GRIK2: variants seen among roughly 807,000 people sequenced by gnomAD.
The protein encoded by GRIK2 is glutamate ionotropic receptor kainate type subunit 2.
A neutral mutation model predicts 100.3 loss-of-function variants in GRIK2; 32 were observed. The ratio of observed to expected loss-of-function variants is 0.32; its 90% confidence interval spans 0.24 to 0.43. The LOEUF (loss-of-function observed/expected upper bound fraction) is 0.43. Ranked by LOEUF, GRIK2 falls within the 20% of genes least tolerant of loss-of-function variation. GRIK2 has a pLI of 1.00. For synonymous variants in GRIK2, 417 were observed against 389.4 expected (o/e 1.07, Z -0.83); for missense variants, 843 against 1,114.9 (o/e 0.76, Z 3.47).
chr6:101,816,537 A>G (rs1256744968), intron 9 of GRIK2, among the ~76,000 whole-genome samples: 2 of 152,010 alleles, frequency 1.3e-5, no homozygotes, highest in Non-Finnish European at 2.9e-5. Context: ...CTAAAAATAC[A>G]AAAATTAGCC....
At chr6:101,652,483 G>T (rs1781847446) in intron 4 of GRIK2, among the ~76,000 whole-genome samples, 3 of 152,098 alleles carry the variant, frequency 2.0e-5, no homozygotes, top group Non-Finnish European at 4.4e-5. Context: ...ATGGTACTTT[G>T]TTATACCAGC....
rs1770208274 is a variant in GRIK2, at chr6:102,035,249, G to A, written c.2086-92G>A. On this transcript the variant is annotated intron_variant, in intron 14 of 16. Transcript: ENST00000369134. ...ATTATATTAAGATGGTACAAGTAAA[G>A]TAAATGTAGTTCATTGTGTCTAAGC... 15 of 548,058 alleles carry A rather than the reference G, an allele frequency of 2.7e-5. No homozygotes were observed. The East Asian group carries it at 4.2e-4, about 16-fold the overall frequency. The allele number at this position is 548,058 out of a possible 1,614,324, so 33.9% of individuals were successfully genotyped here.
intron 12 of GRIK2, among the ~76,000 whole-genome samples, chr6:101,915,496 A>G (rs1789043625): frequency 6.6e-6 from 1 of 151,502 alleles, no homozygotes; most frequent in South Asian, 2.1e-4. Flanking sequence ...TTTGCAGAGC[A>G]TGCCACTGAA....
chr6:101,494,047 A>T (rs1017946888), intron 2 of GRIK2, among the ~76,000 whole-genome samples: 1 of 144,372 alleles, frequency 6.9e-6, no homozygotes, highest in Non-Finnish European at 1.5e-5. Context: ...ATTATATAAA[A>T]TATATATGAT....
chr6:101,760,646 ATAATTATATG>A (rs1205581594), intron 7 of GRIK2, among the ~76,000 whole-genome samples: 25 of 78,788 alleles, frequency 3.2e-4, no homozygotes, highest in African/African-American at 1.5e-3. Flanking sequence ...ATAATTATAT[ATAATTATATG>A]TTTAATTATA....
intron 14 of GRIK2, among the ~76,000 whole-genome samples, chr6:102,022,051 C>A (rs1769449410): frequency 6.7e-6 from 1 of 149,560 alleles, no homozygotes; most frequent in Admixed American, 6.7e-5. Flanking sequence ...TATTTTTAAA[C>A]TTCACTGGCT....
chr6:101,672,331 CT>C (rs1770502874), intron 4 of GRIK2, among the ~76,000 whole-genome samples: 1 of 152,100 alleles, frequency 6.6e-6, no homozygotes, highest in African/African-American at 2.4e-5. Flanking sequence ...TTGTATGGTC[CT>C]CCCATGATCT....
intron 16 of GRIK2, among the ~76,000 whole-genome samples, chr6:102,064,948 A>T (rs1264835850): frequency 6.6e-6 from 1 of 151,348 alleles, no homozygotes; most frequent in Non-Finnish European, 1.5e-5. Context: ...TCTACAAATG[A>T]GAAAAGAACC....
At chr6:101,812,780 T>C (rs1158586878) in intron 9 of GRIK2, among the ~76,000 whole-genome samples, 1 of 151,988 alleles carries the variant, frequency 6.6e-6, no homozygotes, top group African/African-American at 2.4e-5. Flanking sequence ...AGAGGAGGAA[T>C]TGTTTTACCT....
chr6:101,919,560 G>A (rs1376234324), intron 12 of GRIK2, among the ~76,000 whole-genome samples: 2 of 151,732 alleles, frequency 1.3e-5, no homozygotes, highest in African/African-American at 4.8e-5. Flanking sequence ...GAGATGGATG[G>A]AAATCCATTG....
intron 4 of GRIK2, among the ~76,000 whole-genome samples, chr6:101,665,245 C>A (rs549674143): frequency 1.4e-4 from 21 of 152,220 alleles, no homozygotes; most frequent in Admixed American, 2.6e-4. Context: ...TTTTCCTTAA[C>A]CCTACTGCTT....
At chr6:101,919,144 C>A (rs1187878169) in intron 12 of GRIK2, among the ~76,000 whole-genome samples, 1 of 151,582 alleles carries the variant, frequency 6.6e-6, no homozygotes, top group African/African-American at 2.4e-5. Flanking sequence ...GAAAGTTAAA[C>A]CTAATAATTC....
chr6:101,907,911 C>T (rs75028669), intron 12 of GRIK2, among the ~76,000 whole-genome samples: 1 of 151,470 alleles, frequency 6.6e-6, no homozygotes, highest in Non-Finnish European at 1.5e-5. Context: ...TGTGCATTCA[C>T]TCACTGTTTT....
intron 9 of GRIK2, among the ~76,000 whole-genome samples, chr6:101,814,807 T>A (rs1297733223): frequency 6.6e-6 from 1 of 152,166 alleles, no homozygotes; most frequent in East Asian, 1.9e-4. Context: ...GATCATTTTG[T>A]GTAGTCATTA....
Position 101,880,516 on chromosome 6 carries a change from GTGGATACTGATTAAT to G in GRIK2, c.1525-9123_1525-9109del, listed in dbSNP as rs1364811324. 2.6e-5 allele frequency among the ~76,000 whole-genome samples: 4 copies of G among 152,122 alleles called. No homozygotes were observed. In the East Asian group the frequency reaches 5.8e-4, roughly 22 times the overall value. On this transcript the variant is annotated intron_variant, in intron 11 of 16. Transcript: ENST00000369134. The stretch of plus-strand genomic sequence containing the variant: ...CATTCTTACTCTGCCAAGTCTATCA[GTGGATACTGATTAAT>G]AGATTCTGTCATATTATTTCACAGT...
chr6:101,606,048 A>C (rs1779423445), intron 2 of GRIK2, among the ~76,000 whole-genome samples: 1 of 151,974 alleles, frequency 6.6e-6, no homozygotes, highest in African/African-American at 2.4e-5. Flanking sequence ...ATGGTTAATT[A>C]AGTCACCACC....
chr6:101,942,265 C>T (rs1791002208), intron 14 of GRIK2, among the ~76,000 whole-genome samples: 1 of 152,078 alleles, frequency 6.6e-6, no homozygotes, highest in African/African-American at 2.4e-5. Flanking sequence ...ATTTTCTAAT[C>T]GTTTAGCATC....
intron 4 of GRIK2, among the ~76,000 whole-genome samples, chr6:101,631,358 A>T (rs1780735815): frequency 6.6e-6 from 1 of 152,156 alleles, no homozygotes; most frequent in African/African-American, 2.4e-5. Context: ...TCCATTAACA[A>T]AAAAACTCTG....
At chr6:101,975,717 G>C (rs1459906269) in intron 14 of GRIK2, among the ~76,000 whole-genome samples, 2 of 151,908 alleles carry the variant, frequency 1.3e-5, no homozygotes, top group African/African-American at 4.8e-5. Flanking sequence ...AAGGTGGGCA[G>C]GTGGAGTCAG....
Sources: allele counts gnomAD v4.1 joint callset (sites outside exome capture counted in the v4.1 genomes callset), GRCh38; gene constraint gnomAD v4.1.1; transcripts MANE v1.5; gene names NCBI Gene and HGNC (gene_info 2026-07-23, HGNC 2026-07-21).